Variants in NAT10 observed in about 807,000 individuals in gnomAD.
The protein encoded by NAT10 is RNA cytidine acetyltransferase.
NAT10 carries 109 observed loss-of-function variants against 132.2 expected under a neutral mutation model. The ratio of observed to expected loss-of-function variants is 0.82; its 90% CI spans 0.71 to 0.97. The LOEUF (loss-of-function observed/expected upper bound fraction) is 0.97, where lower values mean the gene tolerates loss of function less well. NAT10 is among the 50% of genes least tolerant of loss of function. NAT10 has a pLI of 0.00. For missense variants in NAT10, 1,184 were observed against 1,263.4 expected (o/e 0.94, Z 0.95); for synonymous variants, 479 against 478.0 (o/e 1.00, Z -0.03).
rs1294525589 is a variant in NAT10 at position 34,124,380 on chromosome 11, G to C, written c.1087G>C (p.Glu363Gln). ...KAVIRVNVFR[E>Q]HRQTIQYIHP... is the part of the protein sequence containing the mutation. ...AGTGATCAGAGTGAATGTATTTCGA[G>C]AACACAGGCAGACTATTCAGGTGAG... is the stretch of plus-strand genomic sequence containing the variant. Residue 363 changes from glutamate to glutamine, a missense_variant, in exon 11 of 29, where the codon GAA becomes CAA. Physicochemically the swap from Glu to Gln is conservative, Grantham distance 29 (BLOSUM62 2). Coordinates refer to ENST00000257829, the MANE Select transcript of NAT10 (RefSeq NM_024662.3). 1.2e-6 allele frequency: 2 copies of C among 1,613,754 alleles called. No homozygotes were observed. Among genetic ancestry groups the C allele is most frequent in the Admixed American group, 3.3e-5 (2 of 60,004 alleles).
chr11:34,136,209 G>A (rs1269179790), intron 19 of NAT10, among the ~76,000 whole-genome samples: 1 of 151,894 alleles, frequency 6.6e-6, no homozygotes, highest in African/African-American at 2.4e-5. Flanking sequence ...AGCCACCTGA[G>A]TAGCTGGGAC....
chr11:34,124,247 AT>A, intron 10 of NAT10, 54 bp from the exon 11 acceptor site: 1 of 1,144,564 alleles, frequency 8.7e-7, no homozygotes, highest in Non-Finnish European at 1.3e-6. Flanking sequence ...CTTTCATAAT[AT>A]TTAGTTTCTG....
At position 34,131,076 on chromosome 11, in the gene NAT10, A is replaced by C. The variant is rs1024956813; in HGVS notation, c.1369+139A>C. 60 of 1,343,386 alleles carry C rather than the reference A, an allele frequency of 4.5e-5. No homozygotes were observed. The African/African-American group carries it at 7.6e-4, about 17-fold the overall frequency. The allele number at this position is 1,343,386 out of a possible 1,614,324, so 83.2% of individuals were successfully genotyped here. On this transcript the variant is annotated intron_variant, in intron 13 of 28. Transcript: ENST00000257829. ...TGAGAGGTTGAGTCCCCAAGAGGAG[A>C]AGTAGCTTTTTTCGGAGGAACAGCA...
chr11:34,118,121 C>T (rs1035563749), intron 6 of NAT10, 59 bp from the exon 7 acceptor site: 40 of 1,369,358 alleles, frequency 2.9e-5, no homozygotes, highest in Non-Finnish European at 3.9e-5. Flanking sequence ...AAAAGTTATA[C>T]TCTGTATAGA....
chr11:34,125,894 T>C (rs1415316731), intron 11 of NAT10, among the ~76,000 whole-genome samples: 1 of 152,060 alleles, frequency 6.6e-6, no homozygotes. Context: ...AACCCGAGAA[T>C]TGGTTGAACC....
intron 19 of NAT10, 99 bp from the exon 20 acceptor site, chr11:34,136,543 T>G: frequency 7.0e-7 from 1 of 1,424,756 alleles, no homozygotes; most frequent in Non-Finnish European, 9.6e-7. Flanking sequence ...TCTCCCAGTT[T>G]TTGTTGTGCT....
rs762126537 is a variant in NAT10 at position 34,123,809 on chromosome 11, C to T, written c.962C>T (p.Thr321Ile). Residue 321 changes from threonine to isoleucine, a missense_variant, in exon 10 of 29, where the codon ACT (threonine) becomes ATT (isoleucine). Thr to Ile is a moderately conservative substitution (Grantham distance 89). Coordinates refer to ENST00000257829, the MANE Select transcript of NAT10 (RefSeq NM_024662.3). Reference sequence around the variant, plus strand: ...TCCCCAAGCCCTGATAACCTCCATACTCTGTTTGAATTTGTATTTAAAGGA... The same window carrying T: ...TCCCCAAGCCCTGATAACCTCCATATTCTGTTTGAATTTGTATTTAAAGGA... Reference protein sequence around the residue: ...VTSPSPDNLHTLFEFVFKGFD... With the variant: ...VTSPSPDNLHILFEFVFKGFD... 1 of 1,611,686 alleles carries T rather than the reference C, an allele frequency of 6.2e-7. No individual in the cohort carries two copies. Among genetic ancestry groups the T allele is most frequent in the Non-Finnish European group, 8.5e-7 (1 of 1,177,774 alleles).
At chr11:34,123,924 C>T in intron 10 of NAT10, 69 bp downstream of exon 10, 1 of 1,264,160 alleles carries the variant, frequency 7.9e-7, no homozygotes, top group Non-Finnish European at 1.2e-6. Context: ...AATCCCAGCA[C>T]TTTGGGAGGC....
chr11:34,139,630 C>T (rs1366480826), intron 23 of NAT10, 135 bp downstream of exon 23: 4 of 726,944 alleles, frequency 5.5e-6, no homozygotes, highest in Non-Finnish European at 9.4e-6. Context: ...TGGTCACCAC[C>T]CGCTTGCCAG....
chr11:34,114,422 C>G (rs1018084032), intron 5 of NAT10, among the ~76,000 whole-genome samples: 1 of 152,134 alleles, frequency 6.6e-6, no homozygotes, highest in African/African-American at 2.4e-5. Context: ...TTAAGTCATG[C>G]CCATGTCCAG....
Position 34,127,528 on chromosome 11 carries a change from C to T in NAT10, c.1173C>T (p.Ala391=), listed in dbSNP as rs141428058. 1.0e-3 allele frequency: 1,632 copies of T among 1,614,084 alleles called. 2 individuals are homozygous for T. The highest frequency in any genetic ancestry group is 1.3e-3 in the Non-Finnish European group (1,507 of 1,179,946). ...AACTAGTTGTGATTGATGAAGCTGC[C>T]GCCATCCCCCTCCCCTTGGTGAAGA... The part of the protein sequence containing the change: ...QAELVVIDEA[A]AIPLPLVKSL... The change falls in exon 12 of 29, where the codon GCC becomes GCT. Residue 391 remains alanine (A), a synonymous_variant. Transcript: ENST00000257829.
At chr11:34,141,951 TTTA>T in intron 26 of NAT10, 134 bp downstream of exon 26, 1 of 757,502 alleles carries the variant, frequency 1.3e-6, no homozygotes, top group East Asian at 2.7e-5. Context: ...ATTCTGTAGG[TTTA>T]ATTGGACAAA....
chr11:34,143,674 A>G (rs1351195194), intron 28 of NAT10, 146 bp downstream of exon 28: 1 of 690,138 alleles, frequency 1.4e-6, no homozygotes, highest in Middle Eastern at 4.1e-4. Context: ...TCCCCTGGCC[A>G]TTACCCTTGC....
chr11:34,118,830 G>A (rs532115652), intron 8 of NAT10, among the ~76,000 whole-genome samples: 1 of 152,064 alleles, frequency 6.6e-6, no homozygotes, highest in Non-Finnish European at 1.5e-5. Context: ...CTGTAACTTC[G>A]AACCCCTGGC....
At position 34,113,833 on chromosome 11, in the gene NAT10, A is replaced by G. The variant is rs1851741743; in HGVS notation, c.490A>G (p.Thr164Ala). The change falls in exon 5 of 29, where the codon ACT (threonine) becomes GCT (alanine). Residue 164 changes from threonine (T) to alanine (A), a missense_variant. By Grantham distance (58) the Thr-to-Ala change is moderately conservative (BLOSUM62 0). Transcript: ENST00000257829. ...CTCACTCAAGCAATTGTACACAGTG[A>G]CTATGGTAAGCATCTGTTTTTTAAC... ...MNSLKQLYTV[T>A]MDVHSRYRTE... 1 of 1,612,672 alleles carries G rather than the reference A, an allele frequency of 6.2e-7. No homozygotes were observed.
chr11:34,108,150 C>A, intron 1 of NAT10, 61 bp from the exon 2 acceptor site: 2 of 1,161,362 alleles, frequency 1.7e-6, no homozygotes, highest in South Asian at 1.3e-5. Context: ...CAAAAGGCAG[C>A]CAGCTAATGT....
At chr11:34,111,934 A>G in intron 3 of NAT10, 118 bp from the exon 4 acceptor site, 1 of 1,237,578 alleles carries the variant, frequency 8.1e-7, no homozygotes, top group Non-Finnish European at 1.1e-6. Context: ...TCACACTTTC[A>G]AGTTCCCTAC....
chr11:34,145,009 T>C (rs1466944691), intron 28 of NAT10, among the ~76,000 whole-genome samples: 1 of 152,186 alleles, frequency 6.6e-6, no homozygotes, highest in Non-Finnish European at 1.5e-5. Flanking sequence ...CCCAGATGCT[T>C]TGTGGTGCAG....
intron 5 of NAT10, 28 bp from the exon 6 acceptor site, chr11:34,115,795 G>A (rs780684188): frequency 1.2e-6 from 2 of 1,613,022 alleles, no homozygotes; most frequent in South Asian, 1.1e-5. Context: ...GCATGCCTTT[G>A]TTAATGGATG....
Sources: gnomAD v4.1 joint callset for allele counts (sites outside exome capture counted in the v4.1 genomes callset) on GRCh38, gnomAD v4.1.1 for gene constraint, MANE v1.5 for transcripts, NCBI Gene and HGNC (gene_info 2026-07-23, HGNC 2026-07-21) for gene names.